The following GPN1 variants were observed in gnomAD, a reference collection of about 807,000 sequenced individuals.
The protein encoded by GPN1 is ATP(GTP)-binding protein.
GPN1 carries 44 observed loss-of-function variants against 55.9 expected under a neutral mutation model. That is an observed-to-expected ratio of 0.79 (90% CI 0.62 to 1.01). GPN1 has a LOEUF of 1.01. GPN1 is among the 50% of genes least tolerant of loss of function. The pLI is 0.00. For synonymous variants in GPN1, 179 were observed against 162.5 expected (o/e 1.10, Z -0.77); for missense variants, 466 against 462.8 (o/e 1.01, Z -0.06).
upstream of GPN1, chr2:27,628,862 G>A: frequency 6.8e-7 from 1 of 1,464,516 alleles, no homozygotes; most frequent in Non-Finnish European, 9.0e-7. Context: ...CTTGCTCAGC[G>A]CCCCCACTTC....
At position 27,650,933 on chromosome 2, in the gene GPN1, T is replaced by TA. The variant is rs1674506757; in HGVS notation, c.*735dup. ...TCACTTCTCCTGTTCAACAGAGGCT[T>TA]AAGGCCAGATGTCCAAACTTGTCTC... is the stretch of plus-strand genomic sequence containing the variant. On this transcript the variant is annotated 3_prime_UTR_variant, in exon 14 of 14. Transcript: ENST00000610189. The TA allele has an allele frequency of 6.5e-6, 1 of 152,756 alleles. No homozygotes were observed. Among genetic ancestry groups the TA allele is most frequent in the Admixed American group, 6.5e-5 (1 of 15,278 alleles). The allele number at this position is 152,756 out of a possible 1,614,324, so 9.5% of individuals were successfully genotyped here.
chr2:27,635,300 CTTTTTTTT>C (rs57185039), intron 7 of GPN1, 66 bp downstream of exon 7: 2 of 520,138 alleles, frequency 3.8e-6, no homozygotes, highest in Non-Finnish European at 6.5e-6. Context: ...TCTTCTTCCT[CTTTTTTTT>C]TTTTTTTTGA....
In GPN1 at chr2:27,643,342, TTA is replaced by T. The variant is rs549415087; in HGVS notation, c.931+827_931+828del. 3.9e-3 allele frequency among the ~76,000 whole-genome samples: 595 copies of T among 152,058 alleles called. 2 individuals are homozygous for T. Among genetic ancestry groups the T allele is most frequent in the African/African-American group, 0.014 (574 of 41,530 alleles). ...CTTTATTCTTTATCTATATATGACTTTATATGTTATATAAATATATATTTTTC... is the reference window on the plus strand; with the variant it reads ...CTTTATTCTTTATCTATATATGACTTTATGTTATATAAATATATATTTTTC... On this transcript the variant is annotated intron_variant, in intron 12 of 13. Coordinates refer to ENST00000610189, the MANE Select transcript of GPN1 (RefSeq NM_007266.4). The surrounding 1 kb of genome is among the most constrained non-coding windows in gnomAD (Gnocchi z 4.0).
At chr2:27,630,711 T>C (rs954525773) in intron 2 of GPN1, among the ~76,000 whole-genome samples, 2 of 152,220 alleles carry the variant, frequency 1.3e-5, no homozygotes, top group Admixed American at 6.5e-5. Context: ...GTGTTGCCTT[T>C]GTCAGTAATA....
At chr2:27,632,708 G>A (rs529038224) in intron 5 of GPN1, 38 bp downstream of exon 5, 7 of 1,340,336 alleles carry the variant, frequency 5.2e-6, no homozygotes, top group Admixed American at 3.4e-5. Context: ...TTACTCTGTA[G>A]CTGACATATT....
In GPN1 at chr2:27,643,012, T is replaced by G. The variant is rs577830213; in HGVS notation, c.931+493T>G. 7.0e-6 allele frequency among the ~76,000 whole-genome samples: 1 copy of G among 143,166 alleles called. No homozygotes were observed. Among genetic ancestry groups the G allele is most frequent in the East Asian group, 2.4e-4 (1 of 4,152 alleles). 93.9% of individuals were successfully genotyped at this position (143,166 alleles called of 152,430 possible). On this transcript the variant is annotated intron_variant, in intron 12 of 13. Coordinates refer to ENST00000610189, the MANE Select transcript of GPN1 (RefSeq NM_007266.4). This position sits in a 1 kb window ranked among gnomAD's most constrained non-coding sequence, Gnocchi z 4.0. ...ACACACACATACATATGCATACATA[T>G]ATATTAAAAAATAAAGGATTTGGAA...
At chr2:27,632,796 A>T (rs1673601856) in intron 5 of GPN1, 126 bp downstream of exon 5, 2 of 656,542 alleles carry the variant, frequency 3.0e-6, no homozygotes, top group Non-Finnish European at 5.4e-6. Flanking sequence ...TAGGAGTGAA[A>T]AAAAAATTGG....
At chr2:27,629,017 A>C, upstream of GPN1, 1 of 1,613,166 alleles carries the variant, frequency 6.2e-7, no homozygotes. Context: ...TTCTCTACCC[A>C]TGCGGTGTCT....
Position 27,629,089 on chromosome 2 carries a change from C to A in GPN1, c.31C>A (p.Gln11Lys). The change falls in exon 1 of 14, where the codon CAG becomes AAG. Residue 11 changes from glutamine to lysine, a missense_variant. Physicochemically the swap from Gln to Lys is moderately conservative, Grantham distance 53. Coordinates refer to ENST00000610189, the MANE Select transcript of GPN1 (RefSeq NM_007266.4). The part of the protein sequence containing the change: MAASAAAAEL[Q>K]ASGGPRHPVC... ...GGCGTCCGCAGCTGCCGCTGAGCTC[C>A]AGGCTTCTGGGGGTCCGCGGCACCC... 6.2e-7 allele frequency: 1 copy of A among 1,614,240 alleles called. No individual in the cohort carries two copies. Among genetic ancestry groups the A allele is most frequent in the African/African-American group, 1.3e-5 (1 of 75,070 alleles).
intron 2 of GPN1, among the ~76,000 whole-genome samples, chr2:27,630,400 T>TG (rs1227446823): frequency 6.9e-6 from 1 of 144,936 alleles, no homozygotes; most frequent in African/African-American, 2.5e-5. Flanking sequence ...TTTTTTTTTT[T>TG]TTTTTTTTTT....
intron 12 of GPN1, among the ~76,000 whole-genome samples, chr2:27,647,142 C>A (rs1674273996): frequency 6.6e-6 from 1 of 152,152 alleles, no homozygotes. Flanking sequence ...AGATTTGTGC[C>A]AGTTGATGTT....
chr2:27,628,852 C>T, upstream of GPN1: 2 of 1,467,550 alleles, frequency 1.4e-6, no homozygotes, highest in African/African-American at 1.4e-5. Context: ...CTTCCTCTCG[C>T]TTGCTCAGCG....
Position 27,638,908 on chromosome 2 carries a change from T to C in GPN1, c.594T>C (p.Phe198=). 1 of 1,613,782 alleles carries C rather than the reference T, an allele frequency of 6.2e-7. No homozygotes were observed. The highest frequency in any genetic ancestry group is 8.5e-7 in the Non-Finnish European group (1 of 1,179,714). The change falls in exon 9 of 14, where the codon TTT becomes TTC. Residue 198 remains phenylalanine, a synonymous_variant. Transcript: ENST00000610189. ...AGACTGACATCATTGACCACAGCTT[T>C]GCAGTGGAATGGATGCAGGATTTTG... ...MNKTDIIDHS[F]AVEWMQDFEA... is the part of the protein sequence containing the mutation.
At position 27,638,233 on chromosome 2, in the gene GPN1, C is replaced by T; in HGVS notation, c.548C>T (p.Pro183Leu). 1 of 1,573,524 alleles carries T rather than the reference C, an allele frequency of 6.4e-7. No individual in the cohort carries two copies. The highest frequency in any genetic ancestry group is 8.7e-7 in the Non-Finnish European group (1 of 1,143,236). ...AGCATCTTATACAAAACCAAGCTGC[C>T]TTTCATTGTGGTCATGAATAAAGTA... ...ACSILYKTKL[P>L]FIVVMNKTDI... The change falls in exon 8 of 14, where the codon CCT becomes CTT. Residue 183 changes from proline (P) to leucine (L), a missense_variant. Pro to Leu is a moderately conservative substitution (Grantham distance 98). Coordinates refer to ENST00000610189, the MANE Select transcript of GPN1 (RefSeq NM_007266.4).
intron 12 of GPN1, among the ~76,000 whole-genome samples, chr2:27,646,242 A>G (rs879480088): frequency 2.7e-5 from 4 of 149,836 alleles, no homozygotes; most frequent in East Asian, 2.0e-4. Flanking sequence ...GGGTTTTGCC[A>G]TGTTGGCCAG....
intron 13 of GPN1, 53 bp downstream of exon 13, chr2:27,647,996 A>G: frequency 3.0e-6 from 3 of 986,748 alleles, no homozygotes; most frequent in East Asian, 2.4e-5. Flanking sequence ...TTATCCTCAC[A>G]TTGTTTGCCC....
chr2:27,629,250 A>AGGTCTT (rs60089768), intron 1 of GPN1, 81 bp downstream of exon 1: 773,693 of 1,537,304 alleles, frequency 0.5, 201,353 homozygotes, highest in East Asian at 0.89. Context: ...AAAGGGAGGG[A>AGGTCTT]AGAGGATTTG....
rs1674315325 is a variant in GPN1 at position 27,647,876 on chromosome 2, G to A, written c.972G>A (p.Leu324=). 5 of 1,613,770 alleles carry A rather than the reference G, an allele frequency of 3.1e-6. No homozygotes were observed. Among genetic ancestry groups the A allele is most frequent in the Non-Finnish European group, 4.2e-6 (5 of 1,179,694 alleles). ...TGCTGCACCCTTCTGATTTGATCCT[G>A]ACTCGAGGAACCTTGGATGAAGAGG... ...SPVLHPSDLI[L]TRGTLDEEDE... The change falls in exon 13 of 14, where the codon CTG becomes CTA. Residue 324 remains leucine (L), a synonymous_variant. Transcript: ENST00000610189.
intron 13 of GPN1, among the ~76,000 whole-genome samples, chr2:27,649,733 AT>A (rs1382944094): frequency 2.6e-5 from 4 of 152,222 alleles, no homozygotes; most frequent in South Asian, 4.1e-4. Flanking sequence ...ATATTCCATT[AT>A]TGTGGATGTT....
Sources: gnomAD v4.1 joint callset for allele counts (sites outside exome capture counted in the v4.1 genomes callset) on GRCh38, gnomAD v4.1.1 for gene constraint, Gnocchi (gnomAD v3.1) non-coding constraint, MANE v1.5 for transcripts, NCBI Gene and HGNC (gene_info 2026-07-23, HGNC 2026-07-21) for gene names.